The following EXOC4 variants were observed in gnomAD, a reference collection of about 807,000 sequenced individuals.
EXOC4 encodes SEC8-like 1.
Under a neutral mutation model 107.2 loss-of-function variants are expected in EXOC4, and 71 were observed. The observed-to-expected ratio is 0.66, with a 90% CI of 0.55 to 0.81. The LOEUF is 0.81. EXOC4 is among the 30% of genes least tolerant of loss of function. The pLI is 0.00. For synonymous variants in EXOC4, 456 were observed against 441.2 expected (o/e 1.03, Z -0.42); for missense variants, 1,108 against 1,189.6 (o/e 0.93, Z 1.01).
At chr7:134,092,415 T>A in the EXOC4 span, among the ~76,000 whole-genome samples, 5 of 152,140 alleles carry the variant, frequency 3.3e-5, no homozygotes, top group Non-Finnish European at 5.9e-5. Context: ...GATACTGGAC[T>A]TATTATACAG....
chr7:133,963,370 A>G (rs1800990182), intron 14 of EXOC4, among the ~76,000 whole-genome samples: 2 of 152,274 alleles, frequency 1.3e-5, no homozygotes, highest in East Asian at 1.9e-4. Flanking sequence ...TCAGCCTCGC[A>G]TAAGTACTGT....
At chr7:133,656,153 C>T (rs1803289257) in intron 10 of EXOC4, among the ~76,000 whole-genome samples, 1 of 152,088 alleles carries the variant, frequency 6.6e-6, no homozygotes, top group Non-Finnish European at 1.5e-5. Context: ...TATATTGCCT[C>T]ACCACAGTAT....
At chr7:133,915,085 G>A (rs1428691915) in intron 12 of EXOC4, among the ~76,000 whole-genome samples, 1 of 152,212 alleles carries the variant, frequency 6.6e-6, no homozygotes, top group Non-Finnish European at 1.5e-5. Context: ...TCAAAAAGCA[G>A]TAGATGGGTT....
chr7:133,665,093 T>C (rs1019981999), intron 10 of EXOC4, among the ~76,000 whole-genome samples: 1 of 152,188 alleles, frequency 6.6e-6, no homozygotes, highest in African/African-American at 2.4e-5. Flanking sequence ...TTCACATGTC[T>C]TGCAAATTGT....
intron 4 of EXOC4, among the ~76,000 whole-genome samples, chr7:133,314,448 G>A (rs1794944608): frequency 6.6e-6 from 1 of 152,170 alleles, no homozygotes; most frequent in Admixed American, 6.5e-5. Context: ...TAGTTTTGCA[G>A]TAAATTGACT....
chr7:133,955,433 G>C (rs1800794429), intron 14 of EXOC4, among the ~76,000 whole-genome samples: 1 of 152,184 alleles, frequency 6.6e-6, no homozygotes, highest in African/African-American at 2.4e-5. Context: ...CCTCTCTGCA[G>C]GCAGGTCATC....
intron 14 of EXOC4, among the ~76,000 whole-genome samples, chr7:133,941,396 A>T (rs1800425081): frequency 6.6e-6 from 1 of 152,230 alleles, no homozygotes; most frequent in Non-Finnish European, 1.5e-5. Flanking sequence ...AAGAAAGTAG[A>T]GAAAAAAGTT....
intron 10 of EXOC4, among the ~76,000 whole-genome samples, chr7:133,765,856 GTATATGACTTC>G (rs753898748): frequency 7.2e-5 from 11 of 151,912 alleles, no homozygotes; most frequent in Non-Finnish European, 1.5e-4. Flanking sequence ...ACTCAAAGTA[GTATATGACTTC>G]TAGATGACTT....
rs1800380030 is a variant in EXOC4, at chr7:133,939,543, T to C, written c.2206+1474T>C. ...CGTCTTTTATTGAAAATACTACTTATTTTTGAGACAGTCTTGCTGTATTAC... is the reference window on the plus strand; with the variant it reads ...CGTCTTTTATTGAAAATACTACTTACTTTTGAGACAGTCTTGCTGTATTAC... On this transcript the variant is annotated intron_variant, in intron 14 of 17. Transcript: ENST00000253861. Among the ~76,000 whole-genome samples the C allele has an allele frequency of 2.0e-5, 3 of 152,330 alleles. No homozygotes were observed. In the East Asian group the frequency reaches 5.8e-4, roughly 29 times the overall value.
intron 10 of EXOC4, among the ~76,000 whole-genome samples, chr7:133,789,385 C>A (rs1333175629): frequency 6.6e-6 from 1 of 152,184 alleles, no homozygotes; most frequent in Non-Finnish European, 1.5e-5. Context: ...TGCCACTACT[C>A]TCTCTCCTCC....
At chr7:133,510,931 C>T (rs937246845) in intron 9 of EXOC4, among the ~76,000 whole-genome samples, 64 of 152,000 alleles carry the variant, frequency 4.2e-4, no homozygotes, top group African/African-American at 1.3e-3. Context: ...TGTAGTGTGC[C>T]GGTACATAAT....
At chr7:133,609,553 C>G (rs531175243) in intron 9 of EXOC4, among the ~76,000 whole-genome samples, 1 of 152,186 alleles carries the variant, frequency 6.6e-6, no homozygotes, top group South Asian at 2.1e-4. Flanking sequence ...TATTTTCCAT[C>G]AACTGCAACT....
At chr7:133,566,653 A>G (rs1482832951) in intron 9 of EXOC4, among the ~76,000 whole-genome samples, 1 of 152,166 alleles carries the variant, frequency 6.6e-6, no homozygotes, top group Non-Finnish European at 1.5e-5. Flanking sequence ...TCTACTATAC[A>G]CTGCAGTATT....
chr7:133,374,683 G>A (rs760682146), intron 6 of EXOC4, 145 bp from the exon 7 acceptor site: 9 of 605,694 alleles, frequency 1.5e-5, no homozygotes, highest in Non-Finnish European at 2.2e-5. Context: ...ACAGTTGTTT[G>A]AATTCACATC....
intron 14 of EXOC4, among the ~76,000 whole-genome samples, chr7:133,962,240 G>T (rs374491649): frequency 2.0e-5 from 3 of 152,080 alleles, no homozygotes; most frequent in Non-Finnish European, 4.4e-5. Context: ...TGAAAATTCC[G>T]CATCAAACAG....
At chr7:133,655,366 A>G (rs1334531891) in intron 10 of EXOC4, among the ~76,000 whole-genome samples, 1 of 152,100 alleles carries the variant, frequency 6.6e-6, no homozygotes, top group Non-Finnish European at 1.5e-5. Flanking sequence ...TCTAAGCTAT[A>G]TTGAAATATA....
rs377274811 is a variant in EXOC4 at position 133,753,584 on chromosome 7, A to G, written c.1515-63741A>G. ...ACCAGGGGAGGTGCAGAAGAGCTCG[A>G]TGAATGTTATACTATTTATGTTAAA... is the stretch of plus-strand genomic sequence containing the variant. On this transcript the variant is annotated intron_variant, in intron 10 of 17. Coordinates refer to ENST00000253861, the MANE Select transcript of EXOC4 (RefSeq NM_021807.4). Among the ~76,000 whole-genome samples, 42 of 152,360 alleles carry G rather than the reference A, an allele frequency of 2.8e-4. No individual in the cohort carries two copies. The East Asian group carries it at 7.1e-3, about 26-fold the overall frequency.
At chr7:133,910,465 C>T (rs1375821817) in intron 12 of EXOC4, among the ~76,000 whole-genome samples, 1 of 152,172 alleles carries the variant, frequency 6.6e-6, no homozygotes, top group Non-Finnish European at 1.5e-5. Flanking sequence ...CAGAAGTTGT[C>T]ATTCTCAGGT....
chr7:134,008,987 A>G (rs1378675471), intron 17 of EXOC4, among the ~76,000 whole-genome samples: 1 of 152,006 alleles, frequency 6.6e-6, no homozygotes, highest in Non-Finnish European at 1.5e-5. Flanking sequence ...TTGAGAGTTA[A>G]TTTTTTTCTC....
Sources: allele counts gnomAD v4.1 joint callset (sites outside exome capture counted in the v4.1 genomes callset), GRCh38; gene constraint gnomAD v4.1.1; transcripts MANE v1.5; gene names NCBI Gene and HGNC (gene_info 2026-07-23, HGNC 2026-07-21).